The following DRAXIN variants were observed in gnomAD, a reference collection of about 807,000 sequenced individuals.
The protein encoded by DRAXIN is dorsal inhibitory axon guidance protein.
A neutral mutation model predicts 33.9 loss-of-function variants in DRAXIN; 27 were observed. The observed-to-expected ratio is 0.80, with a 90% CI of 0.59 to 1.10. DRAXIN has a LOEUF of 1.10. Ranked by LOEUF, DRAXIN falls within the 50% of genes least tolerant of loss-of-function variation. The pLI, the probability that DRAXIN is intolerant of heterozygous loss-of-function variation, is 0.00. For synonymous variants in DRAXIN, 178 were observed against 194.0 expected (o/e 0.92, Z 0.69); for missense variants, 371 against 460.8 (o/e 0.81, Z 1.78).
Position 11,711,918 on chromosome 1 carries a change from A to G in DRAXIN, c.710A>G (p.Asp237Gly). ...GACATGGCCTTGTTCGACTGGACCG[A>G]TTATGAAGACTTAAAACCTGATGGT... ...TLDMALFDWT[D>G]YEDLKPDGWP... The change falls in exon 4 of 7, where the codon GAT becomes GGT. Residue 237 changes from aspartate (D) to glycine (G), a missense_variant. Physicochemically the swap from Asp to Gly is moderately conservative, Grantham distance 94 (BLOSUM62 -1). Coordinates refer to ENST00000294485, the MANE Select transcript of DRAXIN (RefSeq NM_198545.4). 1 of 1,613,956 alleles carries G rather than the reference A, an allele frequency of 6.2e-7. No homozygotes were observed. The highest frequency in any genetic ancestry group is 8.5e-7 in the Non-Finnish European group (1 of 1,179,952).
At position 11,692,634 on chromosome 1, in the gene DRAXIN, C is replaced by T. The variant is rs1320314470; in HGVS notation, c.-11+781C>T. Among the ~76,000 whole-genome samples, 2 of 152,226 alleles carry T rather than the reference C, an allele frequency of 1.3e-5. No homozygotes were observed. The highest frequency in any genetic ancestry group is 2.4e-5 in the African/African-American group (1 of 41,468). On this transcript the variant is annotated intron_variant, in intron 1 of 6. Transcript: ENST00000294485. The surrounding 1 kb of genome is among the most constrained non-coding windows in gnomAD (Gnocchi z 5.8). ...AGAGGGCTGGGGTTTCCCGCCAAGTCTTTCTTGCTTTCCTCAGCTGGGTGC... is the reference window on the plus strand; with the variant it reads ...AGAGGGCTGGGGTTTCCCGCCAAGTTTTTCTTGCTTTCCTCAGCTGGGTGC...
In DRAXIN at chr1:11,698,379, G is replaced by C. The variant is rs559931690; in HGVS notation, c.-11+6526G>C. ...AAACAAGACAGAAGTCTGCTCCTAGGGGGCCGGGGCTCCAGGAAGCCCTAA... is the reference window on the plus strand; with the variant it reads ...AAACAAGACAGAAGTCTGCTCCTAGCGGGCCGGGGCTCCAGGAAGCCCTAA... On this transcript the variant is annotated intron_variant, in intron 1 of 6. Coordinates refer to ENST00000294485, the MANE Select transcript of DRAXIN (RefSeq NM_198545.4). 9.8e-5 allele frequency among the ~76,000 whole-genome samples: 15 copies of C among 152,312 alleles called. 1 individual carries two copies. In the South Asian group the frequency reaches 3.1e-3, roughly 32 times the overall value.
intron 5 of DRAXIN, among the ~76,000 whole-genome samples, chr1:11,714,570 G>T (rs944342264): frequency 2.0e-5 from 3 of 152,242 alleles, no homozygotes; most frequent in Non-Finnish European, 2.9e-5. Context: ...CTACAAAACA[G>T]CAACCAAACC....
intron 5 of DRAXIN, 143 bp from the exon 6 acceptor site, chr1:11,714,976 A>T: frequency 1.1e-6 from 1 of 878,390 alleles, no homozygotes; most frequent in Non-Finnish European, 1.8e-6. Flanking sequence ...TCCACTCAGG[A>T]GCCTTGCACA....
rs1227960673 is a variant in DRAXIN, at chr1:11,724,688, G to A, written c.*4992G>A. 1 of 152,338 alleles carries A rather than the reference G, an allele frequency of 6.6e-6. No homozygotes were observed. Among genetic ancestry groups the A allele is most frequent in the Non-Finnish European group, 1.5e-5 (1 of 68,102 alleles). The allele number at this position is 152,338 out of a possible 1,614,324, so 9.4% of individuals were successfully genotyped here. On this transcript the variant is annotated 3_prime_UTR_variant, in exon 7 of 7. Transcript: ENST00000294485. ...GGCTCACTCTGCAGCTGGAGAGACAGCATACCTGAAACCTGCAAGGAACCG... is the reference window on the plus strand; with the variant it reads ...GGCTCACTCTGCAGCTGGAGAGACAACATACCTGAAACCTGCAAGGAACCG...
At chr1:11,702,212 AC>A (rs924387434) in intron 1 of DRAXIN, among the ~76,000 whole-genome samples, 17 of 150,338 alleles carry the variant, frequency 1.1e-4, no homozygotes, top group African/African-American at 4.2e-4. Context: ...GCTCACACAC[AC>A]CCATACATAT....
At position 11,692,067 on chromosome 1, in the gene DRAXIN, C is replaced by G. The variant is rs994976084; in HGVS notation, c.-11+214C>G. On this transcript the variant is annotated intron_variant, in intron 1 of 6. Coordinates refer to ENST00000294485, the MANE Select transcript of DRAXIN (RefSeq NM_198545.4). The surrounding 1 kb of genome is among the most constrained non-coding windows in gnomAD (Gnocchi z 5.8). ...CTCCTCGCCGCGTCTGCCCACGGACCCTGGCTCTGCTCCCGGGCTCCCCAT... is the reference window on the plus strand; with the variant it reads ...CTCCTCGCCGCGTCTGCCCACGGACGCTGGCTCTGCTCCCGGGCTCCCCAT... Among the ~76,000 whole-genome samples, 1 of 152,152 alleles carries G rather than the reference C, an allele frequency of 6.6e-6. No individual in the cohort carries two copies. Among genetic ancestry groups the G allele is most frequent in the African/African-American group, 2.4e-5 (1 of 41,450 alleles).
At position 11,719,865 on chromosome 1, in the gene DRAXIN, G is replaced by A. The variant is rs774956548; in HGVS notation, c.*169G>A. The A allele has an allele frequency of 1.0e-4, 67 of 638,504 alleles. No homozygotes were observed. The highest frequency in any genetic ancestry group is 7.4e-5 in the Non-Finnish European group (27 of 363,462). The allele number at this position is 638,504 out of a possible 1,614,324, so 39.6% of individuals were successfully genotyped here. A position where few individuals can be genotyped will look rare whatever the true frequency, so the allele number is the denominator to read the frequency against. On this transcript the variant is annotated 3_prime_UTR_variant, in exon 7 of 7. Coordinates refer to ENST00000294485, the MANE Select transcript of DRAXIN (RefSeq NM_198545.4). ...GCCGCTCGGCGAATGAGCTGGGTGG[G>A]TGCCCAGGAGCCGGCCCGCAGCACC... is the stretch of plus-strand genomic sequence containing the variant.
chr1:11,698,205 T>G (rs1424739643), intron 1 of DRAXIN, among the ~76,000 whole-genome samples: 2 of 152,102 alleles, frequency 1.3e-5, no homozygotes, highest in African/African-American at 2.4e-5. Context: ...GTTAGAACAC[T>G]CTCGTTTCAA....
At chr1:11,687,451 G>T (rs112185523), upstream of DRAXIN, among the ~76,000 whole-genome samples, 122 of 152,302 alleles carry the variant, frequency 8.0e-4, no homozygotes, top group African/African-American at 2.9e-3. The surrounding 1 kb of genome is among the most constrained non-coding windows in gnomAD (Gnocchi z 4.1). Context: ...TATTGGCCAG[G>T]CTGGTCTCGA....
At chr1:11,687,257 T>A (rs1640975722), upstream of DRAXIN, among the ~76,000 whole-genome samples, 1 of 152,072 alleles carries the variant, frequency 6.6e-6, no homozygotes, top group Non-Finnish European at 1.5e-5. The surrounding 1 kb of genome is among the most constrained non-coding windows in gnomAD (Gnocchi z 4.1). Context: ...ATTTCTTTTT[T>A]GAGACGGAGT....
chr1:11,692,345 G>A lies in DRAXIN; in HGVS notation c.-11+492G>A, dbSNP rs2100726465. ...AGCCCCGGGCAGAGCTGGCGGGCGT[G>A]CCCTCCAGCCCCTTTCGAGGCCGCC... is the stretch of plus-strand genomic sequence containing the variant. On this transcript the variant is annotated intron_variant, in intron 1 of 6. Coordinates refer to ENST00000294485, the MANE Select transcript of DRAXIN (RefSeq NM_198545.4). The surrounding 1 kb of genome is among the most constrained non-coding windows in gnomAD (Gnocchi z 5.8). 6.6e-6 allele frequency among the ~76,000 whole-genome samples: 1 copy of A among 152,312 alleles called. No homozygotes were observed. Among genetic ancestry groups the A allele is most frequent in the South Asian group, 2.1e-4 (1 of 4,830 alleles).
Position 11,706,288 on chromosome 1 carries a change from C to G in DRAXIN, c.30C>G (p.Pro10=). Reference sequence around the variant, plus strand: ...CTGGGCCTGCCATCCACACCGCTCCCATGCTGTTCCTCGTCCTCCTGCTGC... The same window carrying G: ...CTGGGCCTGCCATCCACACCGCTCCGATGCTGTTCCTCGTCCTCCTGCTGC... MAGPAIHTA[P]MLFLVLLLPL... is the part of the protein sequence containing the mutation. The change falls in exon 2 of 7, where the codon CCC becomes CCG. Residue 10 remains proline (P), a synonymous_variant. Coordinates refer to ENST00000294485, the MANE Select transcript of DRAXIN (RefSeq NM_198545.4). The surrounding 1 kb of genome is among the most constrained non-coding windows in gnomAD (Gnocchi z 5.5). The G allele has an allele frequency of 6.2e-7, 1 of 1,611,188 alleles. No individual in the cohort carries two copies. Among genetic ancestry groups the G allele is most frequent in the Non-Finnish European group, 8.5e-7 (1 of 1,178,944 alleles).
Position 11,705,766 on chromosome 1 carries a change from C to A in DRAXIN, c.-10-483C>A, listed in dbSNP as rs980742663. On this transcript the variant is annotated intron_variant, in intron 1 of 6. Transcript: ENST00000294485. The surrounding 1 kb of genome is among the most constrained non-coding windows in gnomAD (Gnocchi z 4.8). ...CACTTAACGTGGGTCCTGCCTACAG[C>A]GTGCGCTCAAACGCTATTATTCCAT... Among the ~76,000 whole-genome samples the A allele has an allele frequency of 3.3e-5, 5 of 152,320 alleles. No homozygotes were observed. In the East Asian group the frequency reaches 9.7e-4, roughly 29 times the overall value.
rs556480369 is a variant in DRAXIN, at chr1:11,708,558, C to A, written c.452-717C>A. Among the ~76,000 whole-genome samples, 3 of 152,070 alleles carry A rather than the reference C, an allele frequency of 2.0e-5. No individual in the cohort carries two copies. In the South Asian group the frequency reaches 6.2e-4, roughly 31 times the overall value. The stretch of plus-strand genomic sequence containing the variant: ...CCCTGGAGGCAGAGGTTGCAGTGAG[C>A]CAAGATTGAGCCCCTGCACTCCAGC... On this transcript the variant is annotated intron_variant, in intron 2 of 6. Transcript: ENST00000294485.
intron 3 of DRAXIN, 21 bp downstream of exon 3, chr1:11,709,486 C>T (rs747429209): frequency 6.2e-7 from 1 of 1,604,660 alleles, no homozygotes; most frequent in African/African-American, 1.3e-5. Context: ...CCCAAACAGC[C>T]TCGGATCTGG....
chr1:11,691,448 C>A (rs924743646), upstream of DRAXIN: 3 of 152,452 alleles, frequency 2.0e-5, no homozygotes, highest in African/African-American at 7.2e-5. Context: ...GGTGCCCGCA[C>A]GGCTGCTGGG....
chr1:11,715,149 G>A lies in DRAXIN; in HGVS notation c.878G>A (p.Cys293Tyr), dbSNP rs1641556222. 1.2e-6 allele frequency: 2 copies of A among 1,614,240 alleles called. No individual in the cohort carries two copies. Among genetic ancestry groups the A allele is most frequent in the Non-Finnish European group, 1.7e-6 (2 of 1,180,044 alleles). Residue 293 changes from cysteine (C) to tyrosine (Y), a missense_variant, in exon 6 of 7, where the codon TGC (cysteine) becomes TAC (tyrosine). Cys to Tyr is a radical substitution (Grantham distance 194). Coordinates refer to ENST00000294485, the MANE Select transcript of DRAXIN (RefSeq NM_198545.4). ...GTCCDLREHL[C>Y]TPHNRGLNNK... ...TGCTGCGACCTGCGGGAGCATCTCT[G>A]CACACCCCACAACCGAGGCCTCAAC...
At position 11,725,695 on chromosome 1, in the gene DRAXIN, T is replaced by C. The variant is rs1641735906; in HGVS notation, c.*5999T>C. 1 of 152,190 alleles carries C rather than the reference T, an allele frequency of 6.6e-6. No individual in the cohort carries two copies. Among genetic ancestry groups the C allele is most frequent in the African/African-American group, 2.4e-5 (1 of 41,446 alleles). 9.4% of individuals were successfully genotyped at this position (152,190 alleles called of 1,614,324 possible). ...GAGCACCTCGGCCTGGGACCCTCAGTGTAGGGTTTTCTGACTCTTAGGCAA... is the reference window on the plus strand; with the variant it reads ...GAGCACCTCGGCCTGGGACCCTCAGCGTAGGGTTTTCTGACTCTTAGGCAA... On this transcript the variant is annotated 3_prime_UTR_variant, in exon 7 of 7. Transcript: ENST00000294485.
Sources: gnomAD v4.1 joint callset for allele counts (sites outside exome capture counted in the v4.1 genomes callset) on GRCh38, gnomAD v4.1.1 for gene constraint, Gnocchi (gnomAD v3.1) non-coding constraint, MANE v1.5 for transcripts, NCBI Gene and HGNC (gene_info 2026-07-23, HGNC 2026-07-21) for gene names.